Variants in TBC1D19 observed in about 807,000 individuals in gnomAD.
TBC1D19 encodes the protein TBC1 domain family member 19, also known as TBC1 domain family, member 19.
Under a neutral mutation model 89.0 loss-of-function variants are expected in TBC1D19, and 60 were observed. That is an observed-to-expected ratio of 0.67 (90% confidence interval 0.55 to 0.84). TBC1D19 has a LOEUF of 0.84. TBC1D19 is among the 40% of genes least tolerant of loss of function. TBC1D19 has a pLI of 0.00. For missense variants in TBC1D19, 500 were observed against 610.8 expected (o/e 0.82, Z 1.91); for synonymous variants, 189 against 199.7 (o/e 0.95, Z 0.45).
chr4:26,728,230 A>G (rs1717430020), intron 15 of TBC1D19, among the ~76,000 whole-genome samples: 1 of 152,242 alleles, frequency 6.6e-6, no homozygotes, highest in African/African-American at 2.4e-5. Flanking sequence ...GCAGTGGCTT[A>G]AAAGAGGAAG....
the TBC1D19 span, among the ~76,000 whole-genome samples, chr4:26,841,855 C>T: frequency 6.6e-6 from 1 of 152,164 alleles, no homozygotes; most frequent in Non-Finnish European, 1.5e-5. Context: ...GTGATTCTGA[C>T]AGGAGCTCAA....
At chr4:26,605,980 A>G (rs1318557263) in intron 1 of TBC1D19, among the ~76,000 whole-genome samples, 1 of 152,206 alleles carries the variant, frequency 6.6e-6, no homozygotes, top group Non-Finnish European at 1.5e-5. Flanking sequence ...GCAAGTATCA[A>G]TAGATGTCAT....
At chr4:26,619,055 T>C (rs1160935346) in intron 3 of TBC1D19, among the ~76,000 whole-genome samples, 4 of 152,206 alleles carry the variant, frequency 2.6e-5, no homozygotes, top group Non-Finnish European at 5.9e-5. Flanking sequence ...TAAATATTTC[T>C]GAAAAAATAA....
intron 12 of TBC1D19, among the ~76,000 whole-genome samples, chr4:26,685,758 AATT>A (rs1560471113): frequency 6.6e-6 from 1 of 152,222 alleles, no homozygotes; most frequent in South Asian, 2.1e-4. Flanking sequence ...TTTGAGGTCA[AATT>A]ATTATGCTCA....
At chr4:26,644,303 A>G (rs766150845) in intron 7 of TBC1D19, among the ~76,000 whole-genome samples, 2 of 152,238 alleles carry the variant, frequency 1.3e-5, no homozygotes, top group Non-Finnish European at 2.9e-5. Flanking sequence ...CATCACATAA[A>G]CAGAACCAAA....
intron 7 of TBC1D19, among the ~76,000 whole-genome samples, chr4:26,656,889 T>A (rs147695116): frequency 6.6e-6 from 1 of 152,192 alleles, no homozygotes; most frequent in Non-Finnish European, 1.5e-5. Context: ...TAAATGACCT[T>A]TTTTAAGCTC....
the TBC1D19 span, among the ~76,000 whole-genome samples, chr4:26,774,032 C>T: frequency 6.6e-6 from 1 of 152,164 alleles, no homozygotes; most frequent in Non-Finnish European, 1.5e-5. Context: ...CGCATTAACC[C>T]AATACTCAGT....
At chr4:26,605,210 C>A (rs187826097) in intron 1 of TBC1D19, among the ~76,000 whole-genome samples, 1,582 of 118,080 alleles carry the variant, frequency 0.013, 32 homozygotes, top group African/African-American at 0.039. Flanking sequence ...CCCCTCCCCC[C>A]ACCCCACAAC....
chr4:26,644,680 C>G lies in TBC1D19; in HGVS notation c.480+4493C>G, dbSNP rs146758225. Among the ~76,000 whole-genome samples the G allele has an allele frequency of 2.0e-3, 312 of 152,334 alleles. 3 individuals are homozygous for G. Among genetic ancestry groups the G allele is most frequent in the African/African-American group, 7.3e-3 (304 of 41,574 alleles). On this transcript the variant is annotated intron_variant, in intron 7 of 20. Transcript: ENST00000264866. ...TTGTATATTTAGAAGATCCCATCAT[C>G]TCAGCTGCAAATCTCCTTAGGCTGA...
chr4:26,817,043 G>GTAC, the TBC1D19 span, among the ~76,000 whole-genome samples: 5 of 152,176 alleles, frequency 3.3e-5, no homozygotes, highest in African/African-American at 1.2e-4. Flanking sequence ...GCAGAGCGAT[G>GTAC]TACTATCAGG....
At position 26,619,651 on chromosome 4, in the gene TBC1D19, T is replaced by G. The variant is rs577526543; in HGVS notation, c.219-962T>G. Among the ~76,000 whole-genome samples, 24 of 152,336 alleles carry G rather than the reference T, an allele frequency of 1.6e-4. No individual in the cohort carries two copies. The South Asian group carries it at 4.8e-3, about 30-fold the overall frequency. Reference sequence around the variant, plus strand: ...TCAAGGTATCTAGAGACTTAAATTTTTTTTCATTTGTGAATGCGAAAGATA... The same window carrying G: ...TCAAGGTATCTAGAGACTTAAATTTGTTTTCATTTGTGAATGCGAAAGATA... On this transcript the variant is annotated intron_variant, in intron 3 of 20. Coordinates refer to ENST00000264866, the MANE Select transcript of TBC1D19 (RefSeq NM_018317.4).
upstream of TBC1D19, among the ~76,000 whole-genome samples, chr4:26,583,223 C>T (rs973155090): frequency 7.9e-5 from 12 of 151,920 alleles, no homozygotes; most frequent in Admixed American, 2.0e-4. Context: ...AGGGAGGTGC[C>T]GTTGGCCTTT....
the TBC1D19 span, among the ~76,000 whole-genome samples, chr4:26,842,340 C>CTTTTTTTTTTTTTTTTT: frequency 2.3e-4 from 19 of 81,596 alleles, no homozygotes; most frequent in South Asian, 5.2e-4. Flanking sequence ...CTTTTCTTTT[C>CTTTTTTTTTTTTTTTTT]TTTTTTTTTT....
intron 13 of TBC1D19, among the ~76,000 whole-genome samples, chr4:26,700,113 T>A (rs951581490): frequency 6.6e-6 from 1 of 151,974 alleles, no homozygotes. Flanking sequence ...CAGGGAAGTT[T>A]AGGACAACAT....
At chr4:26,800,847 T>C in the TBC1D19 span, among the ~76,000 whole-genome samples, 1 of 152,214 alleles carries the variant, frequency 6.6e-6, no homozygotes, top group Non-Finnish European at 1.5e-5. Context: ...CACTTTTTGA[T>C]GGGGTCATTT....
chr4:26,774,137 T>A, the TBC1D19 span, among the ~76,000 whole-genome samples: 55 of 152,200 alleles, frequency 3.6e-4, 1 homozygote, highest in Non-Finnish European at 1.2e-4. Context: ...TCCTTTGGCA[T>A]TGAGACCATT....
intron 13 of TBC1D19, among the ~76,000 whole-genome samples, chr4:26,710,146 G>A (rs1716060074): frequency 1.3e-5 from 2 of 151,750 alleles, no homozygotes; most frequent in Admixed American, 6.6e-5. Flanking sequence ...TCGTCATTTA[G>A]CATTAGGTAT....
chr4:26,689,689 T>C (rs1714110803), intron 13 of TBC1D19, among the ~76,000 whole-genome samples: 1 of 152,192 alleles, frequency 6.6e-6, no homozygotes, highest in Non-Finnish European at 1.5e-5. Context: ...TATTTTGGAA[T>C]GCCACAAACT....
intron 9 of TBC1D19, among the ~76,000 whole-genome samples, chr4:26,667,562 G>A (rs1711920579): frequency 6.6e-6 from 1 of 152,012 alleles, no homozygotes; most frequent in Non-Finnish European, 1.5e-5. Context: ...TCCACTGGAT[G>A]CATATACCAC....
Sources: allele counts gnomAD v4.1 joint callset (sites outside exome capture counted in the v4.1 genomes callset), GRCh38; gene constraint gnomAD v4.1.1; transcripts MANE v1.5; gene names NCBI Gene and HGNC (gene_info 2026-07-23, HGNC 2026-07-21).